ZBTB10: variants seen among roughly 807,000 people sequenced by gnomAD.
The protein encoded by ZBTB10 is zinc finger and BTB domain containing 10.
Under a neutral mutation model 76.4 loss-of-function variants are expected in ZBTB10, and 32 were observed. The observed-to-expected ratio is 0.42, with a 90% confidence interval of 0.32 to 0.56. The LOEUF (loss-of-function observed/expected upper bound fraction) is 0.56. Ranked by LOEUF, ZBTB10 falls within the 20% of genes least tolerant of loss-of-function variation. The pLI is 0.14. For missense variants in ZBTB10, 1,057 were observed against 1,098.5 expected (o/e 0.96, Z 0.53); for synonymous variants, 523 against 432.9 (o/e 1.21, Z -2.58).
At chr8:80,515,674 G>A (rs1424322809) in intron 3 of ZBTB10, among the ~76,000 whole-genome samples, 1 of 152,084 alleles carries the variant, frequency 6.6e-6, no homozygotes, top group Non-Finnish European at 1.5e-5. Context: ...TTGATATAGG[G>A]TTATTCCTCT....
In ZBTB10 at chr8:80,520,910, G is replaced by A. The variant is rs1486923294; in HGVS notation, c.*1382G>A. 1 of 151,780 alleles carries A rather than the reference G, an allele frequency of 6.6e-6. No homozygotes were observed. Among genetic ancestry groups the A allele is most frequent in the African/African-American group, 2.4e-5 (1 of 41,372 alleles). The allele number at this position is 151,780 out of a possible 1,614,324, so 9.4% of individuals were successfully genotyped here. A position where few individuals can be genotyped will look rare whatever the true frequency, so the allele number is the denominator to read the frequency against. On this transcript the variant is annotated 3_prime_UTR_variant, in exon 6 of 6. Transcript: ENST00000455036. ...ATTTCACGTATTGTTAACATGTATG[G>A]CATTTATTAGCATATTGTATATTAT...
At chr8:80,507,398 G>T (rs1015244823) in intron 2 of ZBTB10, among the ~76,000 whole-genome samples, 1 of 151,998 alleles carries the variant, frequency 6.6e-6, no homozygotes, top group South Asian at 2.1e-4. Flanking sequence ...GGTTCACAAG[G>T]TCAGGAGATC....
At chr8:80,491,652 A>T (rs1238415384) in intron 1 of ZBTB10, among the ~76,000 whole-genome samples, 1 of 152,210 alleles carries the variant, frequency 6.6e-6, no homozygotes, top group Non-Finnish European at 1.5e-5. Context: ...GGGACAATTA[A>T]TAGTTTAATT....
chr8:80,493,357 A>G (rs559685565), intron 1 of ZBTB10, among the ~76,000 whole-genome samples: 4 of 152,264 alleles, frequency 2.6e-5, no homozygotes, highest in South Asian at 4.1e-4. Flanking sequence ...ATCTCTTGTC[A>G]TGCTGAAAAC....
chr8:80,486,150 C>T (rs1279526726), upstream of ZBTB10: 1 of 753,068 alleles, frequency 1.3e-6, no homozygotes, highest in Non-Finnish European at 1.8e-6. Context: ...CCCCCTCCCC[C>T]AGCCCGGCCC....
chr8:80,506,419 A>G (rs1453872884), intron 2 of ZBTB10, among the ~76,000 whole-genome samples: 1 of 151,926 alleles, frequency 6.6e-6, no homozygotes, highest in Non-Finnish European at 1.5e-5. Context: ...GGCTCAAGCA[A>G]TTCTCCTGCC....
In ZBTB10 at chr8:80,487,046, C is replaced by A; in HGVS notation, c.236C>A (p.Ala79Asp). The A allele has an allele frequency of 1.3e-6, 2 of 1,518,606 alleles. No individual in the cohort carries two copies. Among genetic ancestry groups the A allele is most frequent in the Non-Finnish European group, 1.8e-6 (2 of 1,139,892 alleles). 94.1% of individuals were successfully genotyped at this position (1,518,606 alleles called of 1,614,324 possible). The change falls in exon 1 of 6, where the codon GCC (alanine) becomes GAC (aspartate). Residue 79 changes from alanine to aspartate, a missense_variant. By Grantham distance (126) the Ala-to-Asp change is moderately radical. Around this residue, in one of 5 missense-constraint regions of ZBTB10, gnomAD observed 556 missense variants for 451.7 expected, o/e 1.23. Transcript: ENST00000455036. ...LEGLEPQDLE[A>D]SAGPAAGAAE... Reference sequence around the variant, plus strand: ...GGCCTGGAGCCCCAAGACCTGGAGGCCTCCGCCGGGCCGGCCGCCGGCGCC... The same window carrying A: ...GGCCTGGAGCCCCAAGACCTGGAGGACTCCGCCGGGCCGGCCGCCGGCGCC...
At chr8:80,489,005 G>A (rs1046121547) in intron 1 of ZBTB10, among the ~76,000 whole-genome samples, 11 of 150,332 alleles carry the variant, frequency 7.3e-5, no homozygotes, top group Admixed American at 6.7e-4. Context: ...ATGTAGTAGG[G>A]TTTTTGTTGT....
intron 4 of ZBTB10, 29 bp from the exon 5 acceptor site, chr8:80,518,753 A>C (rs370458463): frequency 3.2e-5 from 50 of 1,581,212 alleles, no homozygotes; most frequent in Non-Finnish European, 4.1e-5. Context: ...ATGTGTAATA[A>C]GCACTTTCTC....
At chr8:80,490,606 T>G (rs1180557053) in intron 1 of ZBTB10, among the ~76,000 whole-genome samples, 1 of 152,148 alleles carries the variant, frequency 6.6e-6, no homozygotes, top group Non-Finnish European at 1.5e-5. Flanking sequence ...GGCCATCAGG[T>G]TCTTTGAACA....
At chr8:80,507,145 T>C (rs1000354177) in intron 2 of ZBTB10, among the ~76,000 whole-genome samples, 1 of 147,998 alleles carries the variant, frequency 6.8e-6, no homozygotes, top group African/African-American at 2.5e-5. Flanking sequence ...CCATCTCTAC[T>C]AAAAATACAA....
intron 3 of ZBTB10, among the ~76,000 whole-genome samples, chr8:80,516,004 G>A (rs936855753): frequency 8.5e-5 from 13 of 152,200 alleles, no homozygotes; most frequent in African/African-American, 1.2e-4. Context: ...TTACCATTTT[G>A]TATTCCAGAT....
At position 80,518,789 on chromosome 8, in the gene ZBTB10, A is replaced by G. The variant is rs778874028; in HGVS notation, c.2145A>G (p.Ser715=). The G allele has an allele frequency of 2.5e-6, 4 of 1,607,314 alleles. No homozygotes were observed. Among genetic ancestry groups the G allele is most frequent in the Admixed American group, 3.4e-5 (2 of 58,616 alleles). ...TTTTTTTAATTCTCATAGGTGAATC[A>G]TCTCTAATCATGAACAAGTTAAAAT... The part of the protein sequence containing the change: ...PKQETWENGE[S]SLIMNKLKCP... Residue 715 remains serine, a synonymous_variant, in exon 5 of 6, where the codon TCA becomes TCG. Coordinates refer to ENST00000455036, the MANE Select transcript of ZBTB10 (RefSeq NM_001105539.3).
chr8:80,518,679 G>A, intron 4 of ZBTB10, 100 bp downstream of exon 4: 4 of 1,480,630 alleles, frequency 2.7e-6, no homozygotes, highest in Non-Finnish European at 3.6e-6. Flanking sequence ...AGTAGCAGTA[G>A]CTCCACATAA....
Position 80,519,666 on chromosome 8 carries a change from A to G in ZBTB10, c.*138A>G. The G allele has an allele frequency of 9.3e-7, 1 of 1,080,222 alleles. No individual in the cohort carries two copies. The highest frequency in any genetic ancestry group is 2.9e-5 in the Admixed American group (1 of 34,396). The allele number at this position is 1,080,222 out of a possible 1,614,324, so 66.9% of individuals were successfully genotyped here. On this transcript the variant is annotated 3_prime_UTR_variant, in exon 6 of 6. Coordinates refer to ENST00000455036, the MANE Select transcript of ZBTB10 (RefSeq NM_001105539.3). ...GTTGCTGTGAAAACTGTAGGGTCAA[A>G]GCCTTATAGCAAAAAAAATTTTTTT...
At chr8:80,508,510 G>GT (rs1816114014) in intron 2 of ZBTB10, among the ~76,000 whole-genome samples, 1 of 152,182 alleles carries the variant, frequency 6.6e-6, no homozygotes, top group Admixed American at 6.5e-5. Flanking sequence ...TCACAATAGG[G>GT]TGACTGTGGG....
Position 80,487,777 on chromosome 8 carries a change from G to A in ZBTB10, c.967G>A (p.Ala323Thr), listed in dbSNP as rs778155928. The change falls in exon 1 of 6, where the codon GCC becomes ACC. Residue 323 changes from alanine (A) to threonine (T), a missense_variant. Physicochemically the swap from Ala to Thr is moderately conservative, Grantham distance 58. Transcript: ENST00000455036. ...STEHKLHEANAQESEIPSEEG... is the reference protein window; with the variant it reads ...STEHKLHEANTQESEIPSEEG... ...CGAGCACAAACTCCACGAAGCCAAC[G>A]CCCAGGTACAGTATATCCTGCTCCT... 7 of 1,591,974 alleles carry A rather than the reference G, an allele frequency of 4.4e-6. No homozygotes were observed. The East Asian group carries it at 1.3e-4, about 31-fold the overall frequency.
intron 1 of ZBTB10, among the ~76,000 whole-genome samples, chr8:80,498,782 A>G (rs929318724): frequency 6.6e-6 from 1 of 152,228 alleles, no homozygotes; most frequent in African/African-American, 2.4e-5. Context: ...GAATACCTGT[A>G]TGATAAGAAG....
At position 80,522,201 on chromosome 8, in the gene ZBTB10, T is replaced by C. The variant is rs1188826232; in HGVS notation, c.*2673T>C. 1 of 151,892 alleles carries C rather than the reference T, an allele frequency of 6.6e-6. No individual in the cohort carries two copies. The highest frequency in any genetic ancestry group is 1.5e-5 in the Non-Finnish European group (1 of 67,818). 9.4% of individuals were successfully genotyped at this position (151,892 alleles called of 1,614,324 possible). On this transcript the variant is annotated 3_prime_UTR_variant, in exon 6 of 6. Coordinates refer to ENST00000455036, the MANE Select transcript of ZBTB10 (RefSeq NM_001105539.3). ...TTTTAAGTGTATTCTTTTTCTGACTTACAGTAAAATTTCAGGAAGTTGATA... is the reference window on the plus strand; with the variant it reads ...TTTTAAGTGTATTCTTTTTCTGACTCACAGTAAAATTTCAGGAAGTTGATA...
Sources: gnomAD v4.1 joint callset for allele counts (sites outside exome capture counted in the v4.1 genomes callset) on GRCh38, gnomAD v4.1.1 for gene constraint, gnomAD v4.1.1 regional missense constraint, MANE v1.5 for transcripts, NCBI Gene and HGNC (gene_info 2026-07-23, HGNC 2026-07-21) for gene names.